CNTN5: variants seen among roughly 807,000 people sequenced by gnomAD.
The protein encoded by CNTN5 is contactin-5.
Under a neutral mutation model 129.1 loss-of-function variants are expected in CNTN5, and 77 were observed. That is an observed-to-expected ratio of 0.60 (90% CI 0.50 to 0.72). The LOEUF (loss-of-function observed/expected upper bound fraction) is 0.72, where lower values mean the gene tolerates loss of function less well. Ranked by LOEUF, CNTN5 falls within the 30% of genes least tolerant of loss-of-function variation. The probability of loss-of-function intolerance (pLI) is 0.00; values close to 1 mark genes in which losing one functional copy is unlikely to be tolerated. For missense variants in CNTN5, 1,478 were observed against 1,328.8 expected, an observed-to-expected ratio of 1.11 and a Z score of -1.75; for synonymous variants, 509 against 465.6, an observed-to-expected ratio of 1.09 and a Z score of -1.20.
rs397936738 is a variant in CNTN5 at position 99,727,312 on chromosome 11, CAAAA to C, written c.56-92213_56-92210del. Among the ~76,000 whole-genome samples, 11 of 24,306 alleles carry C rather than the reference CAAAA, an allele frequency of 4.5e-4. 2 individuals are homozygous for C. Among genetic ancestry groups the C allele is most frequent in the East Asian group, 3.7e-3 (1 of 268 alleles). The allele number at this position is 24,306 out of a possible 152,430, so 15.9% of individuals were successfully genotyped here. On this transcript the variant is annotated intron_variant, in intron 3 of 24. Transcript: ENST00000524871. Reference sequence around the variant, plus strand: ...TGGGCGACAGAGCGAGACTCCGTCTCAAAAAAAAAAAAAAAAAAAAAATTCCAGG... The same window carrying C: ...TGGGCGACAGAGCGAGACTCCGTCTCAAAAAAAAAAAAAAAAAATTCCAGG...
intron 1 of CNTN5, among the ~76,000 whole-genome samples, chr11:99,285,757 G>T (rs1863910199): frequency 6.6e-6 from 1 of 152,062 alleles, no homozygotes; most frequent in Admixed American, 6.6e-5. Flanking sequence ...GCAGAGAAAG[G>T]CCAGGCACGG....
At chr11:100,060,911 G>C (rs1343278447) in intron 9 of CNTN5, among the ~76,000 whole-genome samples, 1 of 150,920 alleles carries the variant, frequency 6.6e-6, no homozygotes, top group African/African-American at 2.4e-5. Flanking sequence ...AAAGTGCTGG[G>C]ATTACAGGTG....
At chr11:99,646,440 A>T (rs978675603) in intron 3 of CNTN5, among the ~76,000 whole-genome samples, 2 of 152,150 alleles carry the variant, frequency 1.3e-5, no homozygotes, top group Non-Finnish European at 2.9e-5. Context: ...TTTTTTCTAC[A>T]ATCTATCAGA....
chr11:100,327,693 A>T (rs1055886624), intron 21 of CNTN5, among the ~76,000 whole-genome samples: 1 of 152,214 alleles, frequency 6.6e-6, no homozygotes, highest in Non-Finnish European at 1.5e-5. Context: ...AGTTGGCCCT[A>T]GGCACAGTGT....
intron 13 of CNTN5, among the ~76,000 whole-genome samples, chr11:100,188,059 G>A (rs1204788331): frequency 2.6e-5 from 4 of 152,124 alleles, no homozygotes; most frequent in Non-Finnish European, 5.9e-5. Context: ...CTAATATCCA[G>A]AATCTATGAG....
chr11:99,405,374 T>C (rs1164204213), intron 2 of CNTN5, among the ~76,000 whole-genome samples: 1 of 152,084 alleles, frequency 6.6e-6, no homozygotes, highest in Non-Finnish European at 1.5e-5. Flanking sequence ...CTAGATCCTA[T>C]AGCTGTGCTT....
At chr11:99,633,689 A>G (rs1207799843) in intron 3 of CNTN5, among the ~76,000 whole-genome samples, 1 of 152,214 alleles carries the variant, frequency 6.6e-6, no homozygotes, top group African/African-American at 2.4e-5. Context: ...GGTGCTATAA[A>G]GCCACAAAAG....
intron 3 of CNTN5, among the ~76,000 whole-genome samples, chr11:99,577,316 G>C (rs935297811): frequency 1.3e-5 from 2 of 152,032 alleles, no homozygotes; most frequent in Admixed American, 6.6e-5. Flanking sequence ...CTCTCCCTTT[G>C]CCTCAAGCAC....
intron 15 of CNTN5, among the ~76,000 whole-genome samples, chr11:100,198,665 C>A (rs1413587472): frequency 6.6e-6 from 1 of 151,862 alleles, no homozygotes; most frequent in East Asian, 1.9e-4. Context: ...AGTGTATGTC[C>A]TAACCCTTTA....
chr11:99,452,146 G>C (rs938079430), intron 2 of CNTN5, among the ~76,000 whole-genome samples: 1 of 152,000 alleles, frequency 6.6e-6, no homozygotes, highest in Non-Finnish European at 1.5e-5. Flanking sequence ...GAGCAAAGAC[G>C]TTTGCTGACT....
rs539356201 is a variant in CNTN5 at position 99,912,156 on chromosome 11, G to A, written c.578-3898G>A. Among the ~76,000 whole-genome samples, 11 of 151,818 alleles carry A rather than the reference G, an allele frequency of 7.2e-5. No individual in the cohort carries two copies. The South Asian group carries it at 2.1e-3, about 29-fold the overall frequency. On this transcript the variant is annotated intron_variant, in intron 6 of 24. Transcript: ENST00000524871. The stretch of plus-strand genomic sequence containing the variant: ...AGAAGGAAGGAAGACAAGGCAAAAA[G>A]GAAGAGGAAGAGGAAGGAAGGGAGG...
At chr11:99,871,791 T>C (rs140628798) in intron 6 of CNTN5, among the ~76,000 whole-genome samples, 2,106 of 152,184 alleles carry the variant, frequency 0.014, 54 homozygotes, top group African/African-American at 0.047. Context: ...AAATGCCTGA[T>C]GGTACAATGT....
At chr11:99,683,102 CAT>C (rs1264178173) in intron 3 of CNTN5, among the ~76,000 whole-genome samples, 1 of 151,888 alleles carries the variant, frequency 6.6e-6, no homozygotes, top group African/African-American at 2.4e-5. Context: ...TATATGACTA[CAT>C]GACTAGTATT....
intron 2 of CNTN5, among the ~76,000 whole-genome samples, chr11:99,338,429 G>C (rs1866336880): frequency 6.6e-6 from 1 of 152,116 alleles, no homozygotes; most frequent in African/African-American, 2.4e-5. Context: ...GTTCCATTAG[G>C]GGGTTGGAAC....
intron 9 of CNTN5, among the ~76,000 whole-genome samples, chr11:100,002,963 C>G (rs913753609): frequency 6.6e-6 from 1 of 151,920 alleles, no homozygotes; most frequent in African/African-American, 2.4e-5. Flanking sequence ...AGCAAACTCC[C>G]ACAATATAAC....
chr11:99,725,689 C>T (rs116856911), intron 3 of CNTN5, among the ~76,000 whole-genome samples: 1,703 of 152,238 alleles, frequency 0.011, 15 homozygotes, highest in Non-Finnish European at 0.019. Context: ...CATATGTATT[C>T]TTAGAACAGA....
intron 18 of CNTN5, among the ~76,000 whole-genome samples, chr11:100,285,826 G>C (rs1362167849): frequency 1.3e-5 from 2 of 152,186 alleles, no homozygotes; most frequent in African/African-American, 4.8e-5. Flanking sequence ...GGTGATTTCT[G>C]CATTTCCATC....
chr11:100,155,096 A>G (rs1947194398), intron 13 of CNTN5, among the ~76,000 whole-genome samples: 1 of 152,140 alleles, frequency 6.6e-6, no homozygotes, highest in Non-Finnish European at 1.5e-5. Context: ...GTCTTTGCCC[A>G]TGCTTATGTC....
intron 1 of CNTN5, among the ~76,000 whole-genome samples, chr11:99,145,256 G>T (rs547584551): frequency 1.3e-5 from 2 of 152,140 alleles, no homozygotes; most frequent in African/African-American, 4.8e-5. Flanking sequence ...TTTTAATAGA[G>T]ATCAGGTATC....
Sources: allele counts gnomAD v4.1 joint callset (sites outside exome capture counted in the v4.1 genomes callset), GRCh38; gene constraint gnomAD v4.1.1; transcripts MANE v1.5; gene names NCBI Gene and HGNC (gene_info 2026-07-23, HGNC 2026-07-21).